LRRK1: variants seen among roughly 807,000 people sequenced by gnomAD.
The protein encoded by LRRK1 is leucine rich repeat kinase 1.
A neutral mutation model predicts 209.1 loss-of-function variants in LRRK1; 113 were observed. That is an observed-to-expected ratio of 0.54 (90% CI 0.46 to 0.63). The LOEUF is 0.63. Among genes scored for constraint, LRRK1 ranks in the 30% least tolerant of loss-of-function variants. The probability of loss-of-function intolerance (pLI) is 0.00; values close to 1 mark genes in which losing one functional copy is unlikely to be tolerated. For missense variants in LRRK1, 2,284 were observed against 2,632.2 expected (o/e 0.87, Z 2.89); for synonymous variants, 1,144 against 1,099.7 (o/e 1.04, Z -0.80).
chr15:101,040,479 C>A (rs1260621188), intron 20 of LRRK1, among the ~76,000 whole-genome samples: 1 of 152,030 alleles, frequency 6.6e-6, no homozygotes, highest in East Asian at 1.9e-4. Flanking sequence ...GAACCGTTGC[C>A]ATTGCTGATT....
intron 12 of LRRK1, among the ~76,000 whole-genome samples, chr15:101,019,731 A>G (rs1445167366): frequency 2.0e-5 from 3 of 152,158 alleles, no homozygotes; most frequent in Non-Finnish European, 2.9e-5. Flanking sequence ...GAACCCTATG[A>G]GAGGGCTTTG....
intron 2 of LRRK1, among the ~76,000 whole-genome samples, chr15:100,926,263 C>T (rs1044002076): frequency 2.7e-5 from 3 of 111,692 alleles, no homozygotes; most frequent in African/African-American, 1.0e-4. Flanking sequence ...GGTGTGAGAT[C>T]GAGGTGGCGT....
At chr15:101,060,010 C>A (rs1307915559) in intron 29 of LRRK1, among the ~76,000 whole-genome samples, 1 of 152,164 alleles carries the variant, frequency 6.6e-6, no homozygotes, top group African/African-American at 2.4e-5. Flanking sequence ...TGAGACAGTT[C>A]CGCTCAGGGC....
At chr15:101,004,419 G>C (rs1211964961) in intron 6 of LRRK1, among the ~76,000 whole-genome samples, 1 of 152,120 alleles carries the variant, frequency 6.6e-6, no homozygotes, top group Non-Finnish European at 1.5e-5. Context: ...GCACAGAGTG[G>C]ATAGCTTGCA....
intron 2 of LRRK1, among the ~76,000 whole-genome samples, chr15:100,962,893 G>A (rs1202881064): frequency 3.8e-5 from 5 of 131,862 alleles, no homozygotes; most frequent in Admixed American, 1.6e-4. Context: ...GCGCAATCTC[G>A]GCTCACCACA....
At chr15:101,033,638 A>T (rs1451127088) in intron 20 of LRRK1, among the ~76,000 whole-genome samples, 1 of 152,178 alleles carries the variant, frequency 6.6e-6, no homozygotes, top group Non-Finnish European at 1.5e-5. Context: ...TCCATTGTGT[A>T]TATGGACCTT....
chr15:100,949,809 C>T (rs934462673), intron 2 of LRRK1, among the ~76,000 whole-genome samples: 3 of 152,038 alleles, frequency 2.0e-5, no homozygotes, highest in African/African-American at 7.2e-5. Context: ...ACAAAATTCA[C>T]TACCCTTTGA....
At chr15:100,928,061 G>A (rs752116485) in intron 2 of LRRK1, among the ~76,000 whole-genome samples, 3 of 151,524 alleles carry the variant, frequency 2.0e-5, no homozygotes, top group East Asian at 1.9e-4. Context: ...TTTGCTCATC[G>A]GTGCTGTTTA....
At chr15:100,980,902 A>G (rs1178273319) in intron 3 of LRRK1, among the ~76,000 whole-genome samples, 1 of 152,234 alleles carries the variant, frequency 6.6e-6, no homozygotes, top group Non-Finnish European at 1.5e-5. Flanking sequence ...AATGCCTTGC[A>G]TGAAACTGAA....
chr15:100,920,212 G>A (rs2041997000), intron 1 of LRRK1: 1 of 152,534 alleles, frequency 6.6e-6, no homozygotes, highest in African/African-American at 2.4e-5. Flanking sequence ...TTCACAGTAT[G>A]AGGCCGCGAA....
chr15:100,948,419 A>G (rs1408916163), intron 2 of LRRK1, among the ~76,000 whole-genome samples: 1 of 152,216 alleles, frequency 6.6e-6, no homozygotes, highest in Non-Finnish European at 1.5e-5. Context: ...TTTGCTAAGT[A>G]TTGGTAAATT....
chr15:101,063,921 C>T (rs1007124842), intron 31 of LRRK1, among the ~76,000 whole-genome samples: 2 of 152,238 alleles, frequency 1.3e-5, no homozygotes, highest in African/African-American at 4.8e-5. Context: ...CAGGAGAACA[C>T]GACACAAAGT....
chr15:101,049,118 G>T (rs1006747515), intron 22 of LRRK1, among the ~76,000 whole-genome samples: 9 of 152,090 alleles, frequency 5.9e-5, no homozygotes, highest in Admixed American at 5.2e-4. Flanking sequence ...ATTTATTCTT[G>T]GTTTTTTGAG....
intron 20 of LRRK1, among the ~76,000 whole-genome samples, chr15:101,044,695 C>T (rs763511939): frequency 1.1e-4 from 17 of 152,256 alleles, no homozygotes; most frequent in Non-Finnish European, 8.8e-5. Flanking sequence ...ATGCTCCCCC[C>T]ACTCTCTAAG....
intron 2 of LRRK1, among the ~76,000 whole-genome samples, chr15:100,933,443 T>G (rs1296344059): frequency 6.6e-6 from 1 of 152,238 alleles, no homozygotes; most frequent in Non-Finnish European, 1.5e-5. Context: ...TTTGTTTTGT[T>G]TGTTTTTCTG....
chr15:101,055,852 A>G (rs1282916654), intron 27 of LRRK1, among the ~76,000 whole-genome samples: 1 of 152,236 alleles, frequency 6.6e-6, no homozygotes, highest in Non-Finnish European at 1.5e-5. Context: ...ATCTAGTGCC[A>G]GCCTTGTTAA....
intron 12 of LRRK1, among the ~76,000 whole-genome samples, chr15:101,016,946 G>A (rs2033566367): frequency 6.6e-6 from 1 of 152,192 alleles, no homozygotes; most frequent in South Asian, 2.1e-4. Context: ...TCAGCAGAGA[G>A]TACATCTAGG....
intron 2 of LRRK1, among the ~76,000 whole-genome samples, chr15:100,933,341 C>T (rs1461793287): frequency 6.6e-6 from 1 of 152,168 alleles, no homozygotes; most frequent in Admixed American, 6.5e-5. Context: ...TGCTGCTTGG[C>T]ACTGGGTGGG....
intron 4 of LRRK1, among the ~76,000 whole-genome samples, chr15:100,987,246 GGAGA>G (rs2031925493): frequency 6.6e-6 from 1 of 152,134 alleles, no homozygotes. Flanking sequence ...CTGTCGCGAA[GGAGA>G]GAGTCACTCT....
Sources: allele counts gnomAD v4.1 joint callset (sites outside exome capture counted in the v4.1 genomes callset), GRCh38; gene constraint gnomAD v4.1.1; transcripts MANE v1.5; gene names NCBI Gene and HGNC (gene_info 2026-07-23, HGNC 2026-07-21).